UNC13B: variants seen among roughly 807,000 people sequenced by gnomAD.
UNC13B encodes protein unc-13 homolog B.
Under a neutral mutation model 211.0 loss-of-function variants are expected in UNC13B, and 144 were observed. The ratio of observed to expected loss-of-function variants is 0.68; its 90% CI spans 0.60 to 0.78. The LOEUF (loss-of-function observed/expected upper bound fraction) is 0.78, where lower values mean the gene tolerates loss of function less well. Ranked by LOEUF, UNC13B falls within the 30% of genes least tolerant of loss-of-function variation. The probability of loss-of-function intolerance (pLI) is 0.00; values close to 1 mark genes in which losing one functional copy is unlikely to be tolerated. For synonymous variants in UNC13B, 709 were observed against 725.8 expected (o/e 0.98, Z 0.37); for missense variants, 1,777 against 2,002.0 (o/e 0.89, Z 2.14).
chr9:35,200,421 T>C (rs1329183626), intron 1 of UNC13B, among the ~76,000 whole-genome samples: 18 of 152,222 alleles, frequency 1.2e-4, no homozygotes, highest in African/African-American at 3.4e-4. Flanking sequence ...ATAAATTACC[T>C]TGGGCAGTAT....
At chr9:35,201,781 A>C (rs2131378041) in intron 1 of UNC13B, among the ~76,000 whole-genome samples, 1 of 152,220 alleles carries the variant, frequency 6.6e-6, no homozygotes, top group East Asian at 1.9e-4. Flanking sequence ...CTTTTCAAAA[A>C]ACCAGCTCCT....
chr9:35,390,604 G>T, intron 25 of UNC13B, 25 bp from the exon 26 acceptor site: 1 of 1,612,484 alleles, frequency 6.2e-7, no homozygotes, highest in South Asian at 1.1e-5. Flanking sequence ...CTTATTCTCT[G>T]ACTGTGGTTT....
chr9:35,322,331 G>T (rs954458380), intron 11 of UNC13B, among the ~76,000 whole-genome samples: 1 of 152,142 alleles, frequency 6.6e-6, no homozygotes, highest in Non-Finnish European at 1.5e-5. Flanking sequence ...TCTAGAAACG[G>T]AGATTGCGGT....
rs781360874 is a variant in UNC13B, at chr9:35,398,249, C to G, written c.11793C>G (p.Val3931=). Residue 3931 remains valine (V), a synonymous_variant, in exon 31 of 40, where the codon GTC becomes GTG. Coordinates refer to ENST00000635942, the MANE Select transcript of UNC13B (RefSeq NM_001371189.2). ...TGAACAACGTGCAGCAACTGAGGGTCCAGCTGGAGAAAATGTTTGAGGCCA... is the reference window on the plus strand; with the variant it reads ...TGAACAACGTGCAGCAACTGAGGGTGCAGCTGGAGAAAATGTTTGAGGCCA... ...ILMNNVQQLR[V]QLEKMFEAMG... 2 of 1,613,918 alleles carry G rather than the reference C, an allele frequency of 1.2e-6. No homozygotes were observed. The highest frequency in any genetic ancestry group is 3.3e-5 in the Admixed American group (2 of 60,006).
intron 7 of UNC13B, among the ~76,000 whole-genome samples, chr9:35,285,610 A>G (rs1828746621): frequency 6.6e-6 from 1 of 152,150 alleles, no homozygotes; most frequent in Non-Finnish European, 1.5e-5. Context: ...CCAGCTTCTC[A>G]GGAGGCTAGG....
At position 35,177,169 on chromosome 9, in the gene UNC13B, C is replaced by T. The variant is rs544173919; in HGVS notation, c.22+14864C>T. 2.0e-5 allele frequency among the ~76,000 whole-genome samples: 3 copies of T among 152,142 alleles called. No individual in the cohort carries two copies. In the South Asian group the frequency reaches 6.3e-4, roughly 32 times the overall value. ...GGGCGTGGTGGCCGGTGCCTATAAT[C>T]CCAGCTACTCAGGATCCTGCTGAGA... is the stretch of plus-strand genomic sequence containing the variant. On this transcript the variant is annotated intron_variant, in intron 1 of 39. Coordinates refer to ENST00000635942, the MANE Select transcript of UNC13B (RefSeq NM_001371189.2).
rs1394249070 is a variant in UNC13B, at chr9:35,370,381, A to G, written c.9525A>G (p.Pro3175=). The change falls in exon 13 of 40, where the codon CCA becomes CCG. Residue 3175 remains proline (P), a synonymous_variant. Transcript: ENST00000635942. ...MPDLRRKKPL[P]LVSDLSLVQS... is the part of the protein sequence containing the mutation. ...ATTTACGCAGAAAGAAGCCACTGCC[A>G]CTTGTCAGTGATCTGGTGAGTGAAG... 2 of 1,613,804 alleles carry G rather than the reference A, an allele frequency of 1.2e-6. No homozygotes were observed. Among genetic ancestry groups the G allele is most frequent in the Non-Finnish European group, 8.5e-7 (1 of 1,179,998 alleles).
At chr9:35,217,141 A>G (rs1272064700) in intron 1 of UNC13B, among the ~76,000 whole-genome samples, 4 of 152,204 alleles carry the variant, frequency 2.6e-5, no homozygotes, top group Admixed American at 6.5e-5. Context: ...GCACAGAACT[A>G]CGCACACACA....
intron 19 of UNC13B, 49 bp downstream of exon 19, chr9:35,381,264 G>C: frequency 2.0e-6 from 3 of 1,513,494 alleles, no homozygotes; most frequent in Non-Finnish European, 2.7e-6. Context: ...TGCTGGGAGA[G>C]GCCTTTGGCC....
intron 1 of UNC13B, among the ~76,000 whole-genome samples, chr9:35,209,391 T>A (rs1266910944): frequency 1.3e-5 from 2 of 151,568 alleles, no homozygotes; most frequent in African/African-American, 4.9e-5. Flanking sequence ...ATTATTATTA[T>A]TTTTAAAATA....
rs1564196176 is a variant in UNC13B, at chr9:35,396,578, AG to A, written c.11415del (p.Gln3806ArgfsTer82). On this transcript the variant is annotated frameshift_variant, in exon 27 of 40. Coordinates refer to ENST00000635942, the MANE Select transcript of UNC13B (RefSeq NM_001371189.2). LOFTEE classifies it high-confidence loss of function. Reference sequence around the variant, plus strand: ...TACGTGCGGGATCTGCCTGTCCTCCAGGGGCAGGTGCCTGAGTACCCAGCGT... The same window carrying A: ...TACGTGCGGGATCTGCCTGTCCTCCAGGGCAGGTGCCTGAGTACCCAGCGT... ...NEYVRDLPVL[Q>X]GQVPEYPAWF... 1 of 1,614,020 alleles carries A rather than the reference AG, an allele frequency of 6.2e-7. No individual in the cohort carries two copies. Among genetic ancestry groups the A allele is most frequent in the East Asian group, 2.2e-5 (1 of 44,876 alleles).
At chr9:35,313,855 G>A (rs755229246) in intron 10 of UNC13B, 44 bp from the exon 11 acceptor site, 1 of 1,498,640 alleles carries the variant, frequency 6.7e-7, no homozygotes, top group African/African-American at 1.4e-5. Flanking sequence ...GTCACCTTGT[G>A]GCCTTGGCTA....
At chr9:35,232,176 G>GTTTTTTTTTTTTTTTTTTTTT (rs1564081816) in intron 3 of UNC13B, among the ~76,000 whole-genome samples, 1 of 16,974 alleles carries the variant, frequency 5.9e-5, no homozygotes, top group African/African-American at 2.2e-4. Flanking sequence ...GTATATTGCT[G>GTTTTTTTTTTTTTTTTTTTTT]CTTTTTTTTT....
intron 11 of UNC13B, among the ~76,000 whole-genome samples, chr9:35,324,002 A>C (rs369861218): frequency 1.3e-5 from 2 of 152,228 alleles, no homozygotes; most frequent in Non-Finnish European, 2.9e-5. Flanking sequence ...TGTAGGCACT[A>C]TATCTTTACA....
At chr9:35,402,167 G>A (rs1012121302) in intron 37 of UNC13B, among the ~76,000 whole-genome samples, 8 of 152,150 alleles carry the variant, frequency 5.3e-5, no homozygotes, top group Admixed American at 3.3e-4. Flanking sequence ...TATAGCCCAG[G>A]AAGGGGTTCT....
chr9:35,202,091 A>G (rs957552778), intron 1 of UNC13B, among the ~76,000 whole-genome samples: 1 of 152,098 alleles, frequency 6.6e-6, no homozygotes, highest in Non-Finnish European at 1.5e-5. Context: ...TCATTTTGTT[A>G]TGCATCCAGT....
rs3067420 is a variant in UNC13B, at chr9:35,241,557, G to GCACACACACA, written c.395-1704_395-1695dup. ...TTCCAGAGTCAGTTTCTGAATATAA[G>GCACACACACA]CACACACACACACACACACACACAC... On this transcript the variant is annotated intron_variant, in intron 5 of 39. Transcript: ENST00000635942. Among the ~76,000 whole-genome samples the GCACACACACA allele has an allele frequency of 6.7e-3, 966 of 145,038 alleles. 6 individuals carry two copies. The highest frequency in any genetic ancestry group is 0.023 in the African/African-American group (920 of 39,638).
chr9:35,357,327 A>G (rs1407636638), intron 11 of UNC13B, among the ~76,000 whole-genome samples: 7 of 152,170 alleles, frequency 4.6e-5, no homozygotes, highest in South Asian at 4.1e-4. Flanking sequence ...TCTAGTGACT[A>G]ATGATGTTGA....
At chr9:35,268,741 A>AT (rs1468469633) in intron 7 of UNC13B, among the ~76,000 whole-genome samples, 1 of 152,146 alleles carries the variant, frequency 6.6e-6, no homozygotes, top group East Asian at 1.9e-4. Context: ...ATTAGTTCAG[A>AT]TGATGTTTTC....
Sources: gnomAD v4.1 joint callset for allele counts (sites outside exome capture counted in the v4.1 genomes callset) on GRCh38, gnomAD v4.1.1 for gene constraint, MANE v1.5 for transcripts, NCBI Gene and HGNC (gene_info 2026-07-23, HGNC 2026-07-21) for gene names.